The following MGAT4C variants were observed in gnomAD, a reference collection of about 807,000 sequenced individuals.
MGAT4C encodes the protein MGAT4 family member C, also known as alpha-1,3-mannosyl-glycoprotein 4-beta-N-acetylglucosaminyltransferase C.
MGAT4C carries 19 observed loss-of-function variants against 40.1 expected under a neutral mutation model. The ratio of observed to expected loss-of-function variants is 0.47; its 90% CI spans 0.33 to 0.70. The LOEUF (loss-of-function observed/expected upper bound fraction) is 0.70. Ranked by LOEUF, MGAT4C falls within the 30% of genes least tolerant of loss-of-function variation. MGAT4C has a pLI of 0.02. For missense variants in MGAT4C, 491 were observed against 563.2 expected, an observed-to-expected ratio of 0.87 and a Z score of 1.30; for synonymous variants, 181 against 187.1, an observed-to-expected ratio of 0.97 and a Z score of 0.27.
intron 2 of MGAT4C, among the ~76,000 whole-genome samples, chr12:86,025,177 T>TC (rs926846576): frequency 6.6e-6 from 1 of 151,560 alleles, no homozygotes; most frequent in Non-Finnish European, 1.5e-5. Flanking sequence ...TTTTTTCAAT[T>TC]CCCCCCATGG....
At chr12:86,624,164 G>C (rs114087010) in intron 2 of MGAT4C, among the ~76,000 whole-genome samples, 1 of 152,234 alleles carries the variant, frequency 6.6e-6, no homozygotes, top group African/African-American at 2.4e-5. Context: ...TGGGGGCAGT[G>C]ATACCAACTG....
chr12:86,810,938 C>A (rs1952459299), intron 1 of MGAT4C, among the ~76,000 whole-genome samples: 1 of 150,872 alleles, frequency 6.6e-6, no homozygotes, highest in Non-Finnish European at 1.5e-5. Context: ...TATTTCCTTC[C>A]TGCTTTTTGC....
intron 2 of MGAT4C, among the ~76,000 whole-genome samples, chr12:86,031,302 G>A (rs535735782): frequency 2.6e-5 from 4 of 151,820 alleles, no homozygotes; most frequent in South Asian, 4.1e-4. Flanking sequence ...CAAGTGAAAC[G>A]ATGGCCAAAA....
At chr12:86,432,773 T>A (rs2405795) in intron 3 of MGAT4C, among the ~76,000 whole-genome samples, 15,958 of 152,080 alleles carry the variant, frequency 0.1, 1,032 homozygotes, top group Middle Eastern at 0.25. Flanking sequence ...TAAAAAGCAG[T>A]TTCCTCAAAA....
intron 1 of MGAT4C, among the ~76,000 whole-genome samples, chr12:86,200,889 C>A (rs1343485684): frequency 2.0e-5 from 3 of 152,128 alleles, no homozygotes; most frequent in Non-Finnish European, 4.4e-5. Flanking sequence ...CCAGAGATTT[C>A]TTTCTCTTTC....
At chr12:86,079,937 C>CCT (rs551624484) in intron 1 of MGAT4C, among the ~76,000 whole-genome samples, 2 of 150,398 alleles carry the variant, frequency 1.3e-5, no homozygotes, top group South Asian at 2.1e-4. Context: ...TTTAGCTAGG[C>CCT]CTCTCTCTCT....
intron 1 of MGAT4C, among the ~76,000 whole-genome samples, chr12:86,054,363 A>G (rs1207058705): frequency 6.6e-6 from 1 of 152,038 alleles, no homozygotes; most frequent in Non-Finnish European, 1.5e-5. Flanking sequence ...GGGAGTTATT[A>G]TAAAAAAGCT....
At position 86,774,319 on chromosome 12, in the gene MGAT4C, C is replaced by CTTTCT. The variant is rs1565981529; in HGVS notation, c.-261-47083_-261-47079dup. 5.0e-4 allele frequency among the ~76,000 whole-genome samples: 47 copies of CTTTCT among 93,720 alleles called. 1 individual carries two copies. The highest frequency in any genetic ancestry group is 1.2e-3 in the Admixed American group (10 of 8,346). 61.5% of individuals were successfully genotyped at this position (93,720 alleles called of 152,430 possible). Reference sequence around the variant, plus strand: ...TCTTTCTTTCTTTCTTTCTTTCTTTCTTTCTTTCTTTCTTTCTTTCTGTCT... The same window carrying CTTTCT: ...TCTTTCTTTCTTTCTTTCTTTCTTTCTTTCTTTTCTTTCTTTCTTTCTTTCTGTCT... On this transcript the variant is annotated intron_variant, in intron 1 of 7. Transcript: ENST00000548651.
At chr12:86,235,113 G>C (rs1473228587) in intron 1 of MGAT4C, among the ~76,000 whole-genome samples, 2 of 151,840 alleles carry the variant, frequency 1.3e-5, no homozygotes, top group Admixed American at 1.3e-4. Flanking sequence ...CATCTTCATA[G>C]GTTTATTTAT....
chr12:86,052,570 C>T (rs894835530), intron 1 of MGAT4C, among the ~76,000 whole-genome samples: 1 of 151,910 alleles, frequency 6.6e-6, no homozygotes, highest in African/African-American at 2.4e-5. Flanking sequence ...ACATGAACAG[C>T]TTCAAGAATC....
rs551562118 is a variant in MGAT4C at position 86,598,541 on chromosome 12, C to T, written c.-229+128668G>A. Among the ~76,000 whole-genome samples the T allele has an allele frequency of 2.0e-5, 3 of 152,180 alleles. No homozygotes were observed. In the East Asian group the frequency reaches 5.8e-4, roughly 29 times the overall value. Reference sequence around the variant, plus strand: ...TCTTTAAAACTTCAAAGGAAAGCTACTCTACTTTCTAATTGTGTTGATAAA... The same window carrying T: ...TCTTTAAAACTTCAAAGGAAAGCTATTCTACTTTCTAATTGTGTTGATAAA... On this transcript the variant is annotated intron_variant, in intron 2 of 7. Transcript: ENST00000548651.
chr12:86,546,521 T>C lies in MGAT4C; in HGVS notation c.-228-111256A>G, dbSNP rs147078881. Among the ~76,000 whole-genome samples, 1,163 of 152,068 alleles carry C rather than the reference T, an allele frequency of 7.6e-3. 5 individuals carry two copies. Among genetic ancestry groups the C allele is most frequent in the Middle Eastern group, 0.027 (8 of 294 alleles). On this transcript the variant is annotated intron_variant, in intron 2 of 7. Coordinates refer to the MGAT4C transcript ENST00000548651. ...GAAACCATATGTCTCCAAACATCTT[T>C]AAATTCACAAAAGACTTCCTTTATA...
At chr12:85,987,300 C>G (rs138411399) in intron 3 of MGAT4C, among the ~76,000 whole-genome samples, 1 of 150,890 alleles carries the variant, frequency 6.6e-6, no homozygotes, top group Non-Finnish European at 1.5e-5. Context: ...CTACGCCCGG[C>G]TAATTTTTTT....
chr12:86,203,890 G>C (rs1221613543), intron 1 of MGAT4C, among the ~76,000 whole-genome samples: 1 of 150,730 alleles, frequency 6.6e-6, no homozygotes, highest in African/African-American at 2.4e-5. Context: ...CCGGGAGGCA[G>C]AGGTTGCAGT....
intron 1 of MGAT4C, among the ~76,000 whole-genome samples, chr12:86,107,256 A>G (rs940553913): frequency 1.3e-5 from 2 of 152,150 alleles, no homozygotes; most frequent in African/African-American, 2.4e-5. Flanking sequence ...TATATTTTAA[A>G]ATCAAATGCT....
chr12:86,709,122 G>T (rs1177277071), intron 2 of MGAT4C, among the ~76,000 whole-genome samples: 5 of 152,142 alleles, frequency 3.3e-5, no homozygotes, highest in Non-Finnish European at 5.9e-5. Context: ...GGAGGTAATT[G>T]AATCATGGGG....
chr12:86,722,629 T>C (rs1361563889), intron 2 of MGAT4C, among the ~76,000 whole-genome samples: 1 of 152,202 alleles, frequency 6.6e-6, no homozygotes, highest in African/African-American at 2.4e-5. Flanking sequence ...CAGTCAACCA[T>C]AAAATAATAA....
At chr12:86,668,360 A>C (rs1480087938) in intron 2 of MGAT4C, among the ~76,000 whole-genome samples, 1 of 152,166 alleles carries the variant, frequency 6.6e-6, no homozygotes, top group Non-Finnish European at 1.5e-5. Flanking sequence ...GTCCCAGTAC[A>C]TGAGAGAGGA....
intron 1 of MGAT4C, among the ~76,000 whole-genome samples, chr12:86,212,182 T>C (rs746932024): frequency 2.0e-5 from 3 of 152,156 alleles, no homozygotes; most frequent in Non-Finnish European, 4.4e-5. Flanking sequence ...TCCATTCTTT[T>C]CAAATCAGTA....
Sources: gnomAD v4.1 joint callset for allele counts (sites outside exome capture counted in the v4.1 genomes callset) on GRCh38, gnomAD v4.1.1 for gene constraint, MANE v1.5 for transcripts, NCBI Gene and HGNC (gene_info 2026-07-23, HGNC 2026-07-21) for gene names.